Variants in CLASP1 observed in about 807,000 individuals in gnomAD.
CLASP1 encodes the protein cytoplasmic linker associated protein 1, also known as CLIP-associating protein 1.
A neutral mutation model predicts 192.3 loss-of-function variants in CLASP1; 38 were observed. That is an observed-to-expected ratio of 0.20 (90% CI 0.15 to 0.26). The LOEUF is 0.26. Ranked by LOEUF, CLASP1 falls within the 10% of genes least tolerant of loss-of-function variation. CLASP1 has a pLI of 1.00. For missense variants in CLASP1, 1,433 were observed against 1,932.5 expected (o/e 0.74, Z 4.85); for synonymous variants, 691 against 712.8 (o/e 0.97, Z 0.49).
At chr2:121,381,681 C>A (rs1295166555) in intron 33 of CLASP1, among the ~76,000 whole-genome samples, 3 of 152,138 alleles carry the variant, frequency 2.0e-5, no homozygotes, top group African/African-American at 7.2e-5. Flanking sequence ...AGTTATCCTG[C>A]CTCTTGGGGA....
At chr2:121,554,254 A>G (rs1380324406) in intron 2 of CLASP1, among the ~76,000 whole-genome samples, 2 of 151,982 alleles carry the variant, frequency 1.3e-5, no homozygotes, top group Admixed American at 1.3e-4. Context: ...AACAATAAAG[A>G]AGAACAAACT....
intron 8 of CLASP1, among the ~76,000 whole-genome samples, chr2:121,495,384 G>A (rs1173482421): frequency 6.6e-6 from 1 of 151,650 alleles, no homozygotes; most frequent in Non-Finnish European, 1.5e-5. Context: ...ACAATGGCTG[G>A]GCGCGGTGGC....
chr2:121,393,126 A>C (rs767023388), intron 30 of CLASP1, among the ~76,000 whole-genome samples: 27 of 152,218 alleles, frequency 1.8e-4, no homozygotes, highest in Non-Finnish European at 3.8e-4. Context: ...GGTTGTATGG[A>C]CTTAGAGAAT....
chr2:121,374,618 G>A (rs573642393), intron 34 of CLASP1, among the ~76,000 whole-genome samples: 6 of 152,358 alleles, frequency 3.9e-5, no homozygotes, highest in Admixed American at 2.6e-4. Context: ...AGAGCCACAA[G>A]GGTGGAGCTG....
intron 38 of CLASP1, 129 bp from the exon 40 acceptor site, chr2:121,347,283 G>T: frequency 1.5e-6 from 1 of 651,806 alleles, no homozygotes; most frequent in Non-Finnish European, 2.8e-6. Flanking sequence ...AACCAGGATA[G>T]ACCTCAGCCC....
At chr2:121,610,325 A>T (rs1266363988) in intron 1 of CLASP1, among the ~76,000 whole-genome samples, 3 of 151,628 alleles carry the variant, frequency 2.0e-5, no homozygotes, top group Admixed American at 6.6e-5. Context: ...CTGGAGGAGG[A>T]GGAGTTATAG....
chr2:121,618,179 A>AG (rs770679298), intron 1 of CLASP1, among the ~76,000 whole-genome samples: 35 of 152,352 alleles, frequency 2.3e-4, no homozygotes, highest in Non-Finnish European at 4.4e-4. Flanking sequence ...TCAAGAAGGT[A>AG]GGGACCTAAC....
chr2:121,601,272 AT>A (rs1049615967), intron 2 of CLASP1, among the ~76,000 whole-genome samples: 5,664 of 138,324 alleles, frequency 0.041, 109 homozygotes, highest in East Asian at 0.14. Context: ...AGCGTTCAGC[AT>A]TTTTTTTTTT....
At chr2:121,504,965 T>C (rs1400356022) in intron 7 of CLASP1, 2 of 152,254 alleles carry the variant, frequency 1.3e-5, no homozygotes, top group Non-Finnish European at 2.9e-5. Context: ...ACTGGAAAGA[T>C]GCCTTACATG....
intron 8 of CLASP1, among the ~76,000 whole-genome samples, chr2:121,479,014 CACCA>C (rs2092326544): frequency 1.1e-5 from 1 of 91,680 alleles, no homozygotes; most frequent in African/African-American, 6.2e-5. Flanking sequence ...CACACACACA[CACCA>C]CACACACACA....
chr2:121,360,194 A>G (rs116174850), intron 37 of CLASP1, among the ~76,000 whole-genome samples: 207 of 152,262 alleles, frequency 1.4e-3, no homozygotes, highest in Non-Finnish European at 2.0e-3. Flanking sequence ...TAACCTGCCG[A>G]GTCTTACGCT....
intron 1 of CLASP1, among the ~76,000 whole-genome samples, chr2:121,633,041 T>C (rs1002191593): frequency 1.9e-4 from 28 of 147,464 alleles, no homozygotes; most frequent in African/African-American, 7.3e-4. Flanking sequence ...CTTTTTTTCA[T>C]GAATATAATT....
chr2:121,529,077 G>T (rs931427629), intron 3 of CLASP1, among the ~76,000 whole-genome samples: 1 of 152,218 alleles, frequency 6.6e-6, no homozygotes, highest in African/African-American at 2.4e-5. Flanking sequence ...GGAAGACCTT[G>T]AGAGGAAGAG....
exon 40 of CLASP1, chr2:121,339,601 T>TA (rs185627111): frequency 1.3e-5 from 2 of 152,218 alleles, no homozygotes; most frequent in African/African-American, 2.4e-5. Flanking sequence ...AAGGTGTTTT[T>TA]AAAAAGGGGG....
intron 6 of CLASP1, among the ~76,000 whole-genome samples, chr2:121,519,233 A>G (rs1019232447): frequency 6.6e-6 from 1 of 152,236 alleles, no homozygotes; most frequent in African/African-American, 2.4e-5. Flanking sequence ...TGCTCTGAGG[A>G]CTGAAAGAAA....
intron 1 of CLASP1, among the ~76,000 whole-genome samples, chr2:121,643,189 A>ACC (rs975214811): frequency 4.0e-4 from 61 of 152,364 alleles, no homozygotes; most frequent in African/African-American, 1.4e-3. Context: ...ACACAAAAAT[A>ACC]TAAAACCTTG....
chr2:121,443,790 G>A (rs1025044577), intron 19 of CLASP1, among the ~76,000 whole-genome samples: 4 of 151,980 alleles, frequency 2.6e-5, no homozygotes, highest in Non-Finnish European at 4.4e-5. Context: ...TAATTCTCAC[G>A]ATGTGATAAA....
chr2:121,515,877 G>A, intron 6 of CLASP1, 115 bp from the exon 7 acceptor site: 1 of 756,694 alleles, frequency 1.3e-6, no homozygotes, highest in Non-Finnish European at 2.3e-6. Context: ...CAGTGCAACT[G>A]TGAATACAAT....
intron 4 of CLASP1, among the ~76,000 whole-genome samples, chr2:121,528,251 A>G (rs951254471): frequency 5.3e-5 from 8 of 152,154 alleles, no homozygotes; most frequent in African/African-American, 1.7e-4. Context: ...TCACCCCCCA[A>G]TAAAGGACAG....
Sources: allele counts gnomAD v4.1 joint callset (sites outside exome capture counted in the v4.1 genomes callset), GRCh38; gene constraint gnomAD v4.1.1; transcripts MANE v1.5; gene names NCBI Gene and HGNC (gene_info 2026-07-23, HGNC 2026-07-21).